SAAL1: variants seen among roughly 807,000 people sequenced by gnomAD.
The protein encoded by SAAL1 is serum amyloid A like 1, also known as protein SAAL1.
In SAAL1, 42 loss-of-function variants were observed where a neutral mutation model predicts 59.8. The ratio of observed to expected loss-of-function variants is 0.70; its 90% confidence interval spans 0.55 to 0.91. SAAL1 has a LOEUF of 0.91. Among genes scored for constraint, SAAL1 ranks in the 40% least tolerant of loss-of-function variants. SAAL1 has a pLI of 0.00. For synonymous variants in SAAL1, 191 were observed against 194.3 expected (o/e 0.98, Z 0.14); for missense variants, 542 against 561.1 (o/e 0.97, Z 0.34).
At chr11:18,092,809 G>A (rs184467954) in intron 3 of SAAL1, among the ~76,000 whole-genome samples, 1 of 152,246 alleles carries the variant, frequency 6.6e-6, no homozygotes, top group East Asian at 1.9e-4. Flanking sequence ...CTTAATCTGG[G>A]AAGTTATTTG....
intron 9 of SAAL1, among the ~76,000 whole-genome samples, chr11:18,085,271 T>A (rs1848451599): frequency 6.6e-6 from 1 of 152,108 alleles, no homozygotes; most frequent in South Asian, 2.1e-4. Flanking sequence ...CACTATCAGA[T>A]AAAGCCCAAA....
chr11:18,088,727 CT>C lies in SAAL1; in HGVS notation c.770+602del, dbSNP rs1848492665. Among the ~76,000 whole-genome samples, 3 of 152,260 alleles carry C rather than the reference CT, an allele frequency of 2.0e-5. No individual in the cohort carries two copies. The South Asian group carries it at 6.2e-4, about 32-fold the overall frequency. ...ACATCATTTACTGAGATTGAGAATACTGATGAAGCAGGTTTAGGGAAAGATG... is the reference window on the plus strand; with the variant it reads ...ACATCATTTACTGAGATTGAGAATACGATGAAGCAGGTTTAGGGAAAGATG... On this transcript the variant is annotated intron_variant, in intron 7 of 11. Transcript: ENST00000524803.
intron 9 of SAAL1, among the ~76,000 whole-genome samples, chr11:18,084,461 C>T (rs1311944178): frequency 1.3e-5 from 2 of 152,200 alleles, no homozygotes; most frequent in Non-Finnish European, 1.5e-5. Context: ...TCTCTGGCTC[C>T]ATGTGCTACT....
chr11:18,101,450 G>A (rs7117439), intron 2 of SAAL1, among the ~76,000 whole-genome samples: 26,692 of 151,956 alleles, frequency 0.18, 3,004 homozygotes, highest in Non-Finnish European at 0.25. Flanking sequence ...TTTTATAAGC[G>A]TCTGGCATTT....
chr11:18,085,523 T>C (rs557587505), intron 9 of SAAL1, among the ~76,000 whole-genome samples: 1 of 152,116 alleles, frequency 6.6e-6, no homozygotes, highest in African/African-American at 2.4e-5. Flanking sequence ...CCTGAACAAA[T>C]AAAAGGGCAT....
chr11:18,095,646 C>T (rs1449327200), intron 3 of SAAL1, among the ~76,000 whole-genome samples: 1 of 152,152 alleles, frequency 6.6e-6, no homozygotes, highest in Non-Finnish European at 1.5e-5. Context: ...ACCAGGTATT[C>T]AGTAAACAGC....
intron 1 of SAAL1, among the ~76,000 whole-genome samples, chr11:18,104,294 A>G (rs1360517625): frequency 6.6e-6 from 1 of 152,240 alleles, no homozygotes; most frequent in Admixed American, 6.5e-5. Flanking sequence ...GGCTATCAGC[A>G]AAGTATCTTC....
intron 2 of SAAL1, among the ~76,000 whole-genome samples, chr11:18,099,869 C>T (rs1257970656): frequency 6.6e-6 from 1 of 152,180 alleles, no homozygotes; most frequent in African/African-American, 2.4e-5. Flanking sequence ...TTCATGGTTA[C>T]AGAACGATAG....
chr11:18,096,085 G>A (rs1397995409), intron 3 of SAAL1, among the ~76,000 whole-genome samples: 1 of 152,076 alleles, frequency 6.6e-6, no homozygotes, highest in Non-Finnish European at 1.5e-5. Context: ...GGTGGATTTT[G>A]TCAGTAAAAA....
chr11:18,104,334 G>A (rs1161517791), intron 1 of SAAL1, among the ~76,000 whole-genome samples: 3 of 151,980 alleles, frequency 2.0e-5, no homozygotes, highest in Non-Finnish European at 1.5e-5. Flanking sequence ...TAAAAATGTA[G>A]TACCTTGGGT....
chr11:18,089,210 T>C (rs1848497033), intron 7 of SAAL1, 120 bp downstream of exon 7: 1 of 830,344 alleles, frequency 1.2e-6, no homozygotes. Context: ...TGAATTAACG[T>C]AACAAGGAGT....
chr11:18,084,950 G>A (rs1848447810), intron 9 of SAAL1, among the ~76,000 whole-genome samples: 1 of 152,116 alleles, frequency 6.6e-6, no homozygotes, highest in African/African-American at 2.4e-5. Context: ...ATTTTTAGCA[G>A]AGACAGGGTT....
In SAAL1 at chr11:18,092,930, G is replaced by T. The variant is rs1848536829; in HGVS notation, c.334-606C>A. 1.3e-5 allele frequency among the ~76,000 whole-genome samples: 2 copies of T among 152,118 alleles called. 1 individual carries two copies. Among genetic ancestry groups the T allele is most frequent in the South Asian group, 4.1e-4 (2 of 4,830 alleles). On this transcript the variant is annotated intron_variant, in intron 3 of 11. Transcript: ENST00000524803. ...ATTAGTGTAGTCCCTCTTTATCCAT[G>T]GTTTCAGTTACCCATGGTCAACCTT...
intron 2 of SAAL1, among the ~76,000 whole-genome samples, chr11:18,101,889 A>G (rs555777355): frequency 3.3e-5 from 5 of 152,086 alleles, no homozygotes; most frequent in Non-Finnish European, 5.9e-5. Flanking sequence ...GCTGTATAAA[A>G]GAGCCAGACC....
intron 1 of SAAL1, among the ~76,000 whole-genome samples, chr11:18,105,636 T>C (rs1848680630): frequency 6.6e-6 from 1 of 152,148 alleles, no homozygotes; most frequent in South Asian, 2.1e-4. Context: ...TCATGTATTT[T>C]TGGAGAACTT....
chr11:18,100,585 C>T (rs914024525), intron 2 of SAAL1, among the ~76,000 whole-genome samples: 1 of 152,106 alleles, frequency 6.6e-6, no homozygotes, highest in Non-Finnish European at 1.5e-5. Context: ...CAGAGCGAGA[C>T]TCTGTCTCAA....
At chr11:18,101,437 T>TA (rs1848631974) in intron 2 of SAAL1, among the ~76,000 whole-genome samples, 1 of 152,164 alleles carries the variant, frequency 6.6e-6, no homozygotes, top group Admixed American at 6.5e-5. Flanking sequence ...TGAGATCTGA[T>TA]AGTTTTATAA....
intron 2 of SAAL1, 126 bp downstream of exon 2, chr11:18,103,107 A>G: frequency 2.9e-6 from 2 of 689,244 alleles, no homozygotes; most frequent in East Asian, 5.2e-5. Flanking sequence ...CCTATATCAT[A>G]TATGGGTGTG....
chr11:18,097,174 T>C (rs907121712), intron 2 of SAAL1, among the ~76,000 whole-genome samples: 8 of 151,728 alleles, frequency 5.3e-5, no homozygotes, highest in African/African-American at 1.9e-4. Context: ...GAGGCAGAGG[T>C]TGCAGTGAGC....
Sources: gnomAD v4.1 joint callset for allele counts (sites outside exome capture counted in the v4.1 genomes callset) on GRCh38, gnomAD v4.1.1 for gene constraint, MANE v1.5 for transcripts, NCBI Gene and HGNC (gene_info 2026-07-23, HGNC 2026-07-21) for gene names.